The following PTPRD variants were observed in gnomAD, a reference collection of about 807,000 sequenced individuals.
The protein encoded by PTPRD is protein tyrosine phosphatase receptor type D.
In PTPRD, 34 loss-of-function variants were observed where a neutral mutation model predicts 214.5. That is an observed-to-expected ratio of 0.16 (90% confidence interval 0.12 to 0.21). The LOEUF (loss-of-function observed/expected upper bound fraction) is 0.21, where lower values mean the gene tolerates loss of function less well. Ranked by LOEUF, PTPRD falls within the 10% of genes least tolerant of loss-of-function variation. The pLI, the probability that PTPRD is intolerant of heterozygous loss-of-function variation, is 1.00. For missense variants in PTPRD, 2,545 were observed against 2,398.7 expected (o/e 1.06, Z -1.27); for synonymous variants, 1,128 against 845.7 (o/e 1.33, Z -5.79).
At chr9:8,495,499 T>C (rs2097244425) in intron 26 of PTPRD, among the ~76,000 whole-genome samples, 1 of 152,216 alleles carries the variant, frequency 6.6e-6, no homozygotes, top group East Asian at 1.9e-4. Flanking sequence ...ACTAAGTCAC[T>C]GGATTTTAAA....
In PTPRD at chr9:9,183,383, G is replaced by C. The variant is rs1281428922; in HGVS notation, c.-202-20C>G. ...CAAAACCTAATTATAAAGATAGAAA[G>C]TAACAATTATTTAAAAAATATTTTA... On this transcript the variant is annotated intron_variant, in intron 9 of 45. Transcript: ENST00000381196. 1 of 151,600 alleles carries C rather than the reference G, an allele frequency of 6.6e-6. No individual in the cohort carries two copies. Among genetic ancestry groups the C allele is most frequent in the Non-Finnish European group, 1.5e-5 (1 of 67,942 alleles). The allele number at this position is 151,600 out of a possible 1,614,324, so 9.4% of individuals were successfully genotyped here. A position where few individuals can be genotyped will look rare whatever the true frequency, so the allele number is the denominator to read the frequency against.
intron 10 of PTPRD, among the ~76,000 whole-genome samples, chr9:9,031,859 G>A (rs915620187): frequency 6.6e-6 from 1 of 151,906 alleles, no homozygotes; most frequent in Non-Finnish European, 1.5e-5. Flanking sequence ...TTTGAGCAAG[G>A]GCAGAAGGAT....
At chr9:9,322,480 A>T (rs1966933258) in intron 9 of PTPRD, among the ~76,000 whole-genome samples, 1 of 152,188 alleles carries the variant, frequency 6.6e-6, no homozygotes. Flanking sequence ...TTCAGTGTAC[A>T]CCTTAAATAT....
intron 9 of PTPRD, among the ~76,000 whole-genome samples, chr9:9,362,023 G>A (rs1266654612): frequency 6.6e-6 from 1 of 151,012 alleles, no homozygotes; most frequent in Admixed American, 6.6e-5. Context: ...ATCAGAGAGA[G>A]TTTAGTGGAA....
chr9:8,664,180 C>T (rs1402493988), intron 12 of PTPRD, among the ~76,000 whole-genome samples: 1 of 152,196 alleles, frequency 6.6e-6, no homozygotes, highest in East Asian at 1.9e-4. Flanking sequence ...CAAACGTTTA[C>T]ACCTATCATC....
At chr9:9,389,303 G>A (rs1420822986) in intron 9 of PTPRD, among the ~76,000 whole-genome samples, 1 of 152,152 alleles carries the variant, frequency 6.6e-6, no homozygotes, top group Non-Finnish European at 1.5e-5. Flanking sequence ...CTGAGATTGG[G>A]AGCTTGAGAC....
At chr9:8,622,720 A>C (rs1031112543) in intron 14 of PTPRD, among the ~76,000 whole-genome samples, 9 of 151,932 alleles carry the variant, frequency 5.9e-5, no homozygotes, top group Non-Finnish European at 1.3e-4. Flanking sequence ...TTGTATGCCT[A>C]TCCGAGATGT....
intron 11 of PTPRD, among the ~76,000 whole-genome samples, chr9:8,822,539 G>A (rs2097091952): frequency 6.6e-6 from 1 of 152,264 alleles, no homozygotes; most frequent in Non-Finnish European, 1.5e-5. Flanking sequence ...GAAGGCTAAT[G>A]TTAAAACGCT....
chr9:9,814,308 G>GAAAAAAAAAAA (rs34297202), intron 5 of PTPRD, among the ~76,000 whole-genome samples: 1 of 142,600 alleles, frequency 7.0e-6, no homozygotes, highest in African/African-American at 2.5e-5. Context: ...AGGTAAGAAA[G>GAAAAAAAAAAA]AAAAAAAAAA....
intron 8 of PTPRD, among the ~76,000 whole-genome samples, chr9:9,410,916 G>A (rs1243707201): frequency 6.6e-6 from 1 of 152,088 alleles, no homozygotes; most frequent in Non-Finnish European, 1.5e-5. Context: ...AAACTGACTG[G>A]GTGATGTTCA....
intron 37 of PTPRD, among the ~76,000 whole-genome samples, chr9:8,381,861 T>C (rs11789880): frequency 0.16 from 24,919 of 152,162 alleles, 2,559 homozygotes; most frequent in African/African-American, 0.28. Flanking sequence ...CTGAAAGTCA[T>C]TAAGTCTCAA....
At chr9:9,914,247 C>G (rs2080034749) in intron 5 of PTPRD, among the ~76,000 whole-genome samples, 1 of 152,162 alleles carries the variant, frequency 6.6e-6, no homozygotes, top group Admixed American at 6.5e-5. Context: ...CCACAGCAAC[C>G]CCTGCTACTC....
chr9:8,847,875 G>T (rs1020310896), intron 11 of PTPRD, among the ~76,000 whole-genome samples: 1 of 152,078 alleles, frequency 6.6e-6, no homozygotes, highest in South Asian at 2.1e-4. Flanking sequence ...AATGGTATAG[G>T]GCAGGCTGCC....
chr9:9,706,799 T>C (rs1332977146), intron 7 of PTPRD, among the ~76,000 whole-genome samples: 1 of 151,980 alleles, frequency 6.6e-6, no homozygotes, highest in African/African-American at 2.4e-5. Context: ...GAAACATATA[T>C]ATAAGATGCA....
intron 10 of PTPRD, among the ~76,000 whole-genome samples, chr9:9,053,473 G>A (rs1368190624): frequency 6.6e-6 from 1 of 152,012 alleles, no homozygotes; most frequent in East Asian, 1.9e-4. Flanking sequence ...GGTTTGAAGA[G>A]CTGATGTATT....
At chr9:8,366,081 A>T (rs572616108) in intron 39 of PTPRD, among the ~76,000 whole-genome samples, 4 of 152,220 alleles carry the variant, frequency 2.6e-5, no homozygotes, top group Non-Finnish European at 5.9e-5. Context: ...CGGTTATAGT[A>T]TTTTAAAATA....
At chr9:10,371,925 T>C (rs1464330377) in intron 2 of PTPRD, among the ~76,000 whole-genome samples, 1 of 152,112 alleles carries the variant, frequency 6.6e-6, no homozygotes, top group African/African-American at 2.4e-5. Flanking sequence ...TGATCTACTT[T>C]AACTCTTGGG....
chr9:9,645,742 A>C (rs1403159684), intron 7 of PTPRD, among the ~76,000 whole-genome samples: 1 of 152,002 alleles, frequency 6.6e-6, no homozygotes, highest in African/African-American at 2.4e-5. Flanking sequence ...ACTCCTGTAT[A>C]ACCTTTTAGC....
chr9:10,549,697 C>A (rs1351748584), intron 2 of PTPRD, among the ~76,000 whole-genome samples: 2 of 152,098 alleles, frequency 1.3e-5, no homozygotes, highest in Non-Finnish European at 2.9e-5. Flanking sequence ...AGTATAAATC[C>A]TTAGCTCTAG....
Sources: gnomAD v4.1 joint callset for allele counts (sites outside exome capture counted in the v4.1 genomes callset) on GRCh38, gnomAD v4.1.1 for gene constraint, MANE v1.5 for transcripts, NCBI Gene and HGNC (gene_info 2026-07-23, HGNC 2026-07-21) for gene names.